TCF7L2: variants seen among roughly 807,000 people sequenced by gnomAD.
The protein encoded by TCF7L2 is transcription factor 7 like 2.
In TCF7L2, 23 loss-of-function variants were observed where a neutral mutation model predicts 77.9. The observed-to-expected ratio is 0.30, with a 90% confidence interval of 0.21 to 0.42. The LOEUF is 0.42. TCF7L2 is among the 10% of genes least tolerant of loss of function. The pLI, the probability that TCF7L2 is intolerant of heterozygous loss-of-function variation, is 1.00. For missense variants in TCF7L2, 654 were observed against 793.1 expected (o/e 0.82, Z 2.11); for synonymous variants, 413 against 340.2 (o/e 1.21, Z -2.36).
At chr10:113,027,634 A>G (rs1564800716) in intron 4 of TCF7L2, among the ~76,000 whole-genome samples, 2 of 152,158 alleles carry the variant, frequency 1.3e-5, no homozygotes, top group Non-Finnish European at 2.9e-5. Context: ...TCCTTCCCCA[A>G]ATGAGGTTAT....
chr10:113,004,916 C>T (rs1181518296), intron 4 of TCF7L2, among the ~76,000 whole-genome samples: 2 of 152,112 alleles, frequency 1.3e-5, no homozygotes, highest in Non-Finnish European at 1.5e-5. Context: ...TCAGGCAATC[C>T]GCCCGCCTCG....
At chr10:113,163,306 T>C (rs959376311) in intron 13 of TCF7L2, among the ~76,000 whole-genome samples, 1 of 152,212 alleles carries the variant, frequency 6.6e-6, no homozygotes, top group Non-Finnish European at 1.5e-5. Context: ...TGTGGACATT[T>C]TAACAAGATT....
At chr10:113,149,089 A>G (rs112435152) in intron 8 of TCF7L2, among the ~76,000 whole-genome samples, 2 of 152,316 alleles carry the variant, frequency 1.3e-5, no homozygotes, top group African/African-American at 4.8e-5. Context: ...TTCAAAATTC[A>G]CAGTAAAAGC....
intron 4 of TCF7L2, among the ~76,000 whole-genome samples, chr10:112,966,383 C>T (rs184612630): frequency 6.6e-6 from 1 of 151,686 alleles, no homozygotes; most frequent in East Asian, 1.9e-4. Flanking sequence ...CCATTTGTCC[C>T]TCCTTCTTCC....
chr10:113,084,842 G>A (rs2059662467), intron 5 of TCF7L2, among the ~76,000 whole-genome samples: 1 of 151,456 alleles, frequency 6.6e-6, no homozygotes, highest in South Asian at 2.1e-4. Context: ...GTTGCAGTGA[G>A]CTGAGATTGC....
chr10:113,061,036 A>G (rs116166763), intron 5 of TCF7L2, among the ~76,000 whole-genome samples: 1 of 152,152 alleles, frequency 6.6e-6, no homozygotes, highest in Non-Finnish European at 1.5e-5. Flanking sequence ...GGTCTTGGGA[A>G]TCCACGATCA....
At chr10:113,020,392 G>C (rs889491225) in intron 4 of TCF7L2, among the ~76,000 whole-genome samples, 2 of 152,192 alleles carry the variant, frequency 1.3e-5, no homozygotes, top group African/African-American at 4.8e-5. Context: ...GATTCTTCCA[G>C]CTGTGTGGTC....
chr10:112,974,764 A>G (rs544814858), intron 4 of TCF7L2, among the ~76,000 whole-genome samples: 4 of 152,262 alleles, frequency 2.6e-5, no homozygotes, highest in East Asian at 1.9e-4. Context: ...TTTTCTTAGC[A>G]TAACTTCATT....
In TCF7L2 at chr10:113,088,462, C is replaced by T. The variant is rs148886458; in HGVS notation, c.552+48336C>T. Among the ~76,000 whole-genome samples, 126 of 152,286 alleles carry T rather than the reference C, an allele frequency of 8.3e-4. 1 individual carries two copies. The highest frequency in any genetic ancestry group is 3.0e-3 in the African/African-American group (126 of 41,552). On this transcript the variant is annotated intron_variant, in intron 5 of 13. Coordinates refer to ENST00000627217, the MANE Select transcript of TCF7L2 (RefSeq NM_001146274.2). ...GGATTAATGGAGTAAGAGGCACACT[C>T]CTGTCCAGGGCCCCAGACAGAGTAG...
intron 5 of TCF7L2, among the ~76,000 whole-genome samples, chr10:113,087,981 A>G (rs1313251741): frequency 6.6e-6 from 1 of 152,054 alleles, no homozygotes; most frequent in Non-Finnish European, 1.5e-5. Context: ...CATACCCACT[A>G]TGTCTACTGT....
intron 5 of TCF7L2, chr10:113,126,543 A>T: frequency 1.0e-6 from 1 of 984,742 alleles, no homozygotes; most frequent in Non-Finnish European, 1.2e-6. Flanking sequence ...GGAAAAAAAG[A>T]AGAGTAAGAA....
At chr10:112,992,098 C>G (rs1218879409) in intron 4 of TCF7L2, among the ~76,000 whole-genome samples, 1 of 152,162 alleles carries the variant, frequency 6.6e-6, no homozygotes, top group Non-Finnish European at 1.5e-5. Flanking sequence ...GTTACCCTGG[C>G]AGGATGCAGA....
In TCF7L2 at chr10:113,158,732, T is replaced by C; in HGVS notation, c.1318+663T>C. 1 of 1,612,086 alleles carries C rather than the reference T, an allele frequency of 6.2e-7. No homozygotes were observed. Among genetic ancestry groups the C allele is most frequent in the Admixed American group, 1.7e-5 (1 of 59,618 alleles). Reference sequence around the variant, plus strand: ...TCCGATTACAGGTGCTAATGTCATTTTGAGTCATTAAAATAGTTGATAAAC... The same window carrying C: ...TCCGATTACAGGTGCTAATGTCATTCTGAGTCATTAAAATAGTTGATAAAC... On this transcript the variant is annotated intron_variant, in intron 12 of 13. Transcript: ENST00000627217.
At chr10:113,040,267 T>C in intron 5 of TCF7L2, 141 bp downstream of exon 5, 1 of 729,080 alleles carries the variant, frequency 1.4e-6, no homozygotes, top group South Asian at 2.0e-5. Context: ...GGGTATAGTT[T>C]ATATCTATAA....
chr10:113,159,932 C>CT, intron 12 of TCF7L2: 1 of 1,566,554 alleles, frequency 6.4e-7, no homozygotes, highest in Non-Finnish European at 8.7e-7. Flanking sequence ...CTGAGCGCTC[C>CT]TAAGAAATGC....
chr10:113,075,823 G>T (rs1391128784), intron 5 of TCF7L2, among the ~76,000 whole-genome samples: 4 of 152,010 alleles, frequency 2.6e-5, no homozygotes, highest in Admixed American at 6.6e-5. Context: ...ATAGTTTTTT[G>T]TTTGTTTGTT....
chr10:113,016,083 G>C (rs2047294769), intron 4 of TCF7L2, among the ~76,000 whole-genome samples: 1 of 148,710 alleles, frequency 6.7e-6, no homozygotes, highest in South Asian at 2.1e-4. Context: ...TTTTTTAATT[G>C]AGACGGAGTC....
chr10:113,010,873 G>A (rs544785861), intron 4 of TCF7L2, among the ~76,000 whole-genome samples: 3 of 152,240 alleles, frequency 2.0e-5, no homozygotes, highest in Non-Finnish European at 4.4e-5. Context: ...AATATTAGCC[G>A]GGCCTGGTGG....
intron 5 of TCF7L2, among the ~76,000 whole-genome samples, chr10:113,083,322 T>C (rs1386351901): frequency 6.7e-6 from 1 of 148,992 alleles, no homozygotes; most frequent in Non-Finnish European, 1.5e-5. Context: ...ACTCACACCT[T>C]GCCACTCACA....
Sources: allele counts gnomAD v4.1 joint callset (sites outside exome capture counted in the v4.1 genomes callset), GRCh38; gene constraint gnomAD v4.1.1; transcripts MANE v1.5; gene names NCBI Gene and HGNC (gene_info 2026-07-23, HGNC 2026-07-21).